Variants in PINLYP observed in about 807,000 individuals in gnomAD.
PINLYP encodes phospholipase A2 inhibitor and LY6/PLAUR domain containing.
A neutral mutation model predicts 15.8 loss-of-function variants in PINLYP; 12 were observed. That is an observed-to-expected ratio of 0.76 (90% CI 0.49 to 1.23). The LOEUF (loss-of-function observed/expected upper bound fraction) is 1.23, where lower values mean the gene tolerates loss of function less well. Among genes scored for constraint, PINLYP ranks in the 50% most tolerant of loss-of-function variants. The pLI, the probability that PINLYP is intolerant of heterozygous loss-of-function variation, is 0.00. For missense variants in PINLYP, 278 were observed against 264.2 expected (o/e 1.05, Z -0.36); for synonymous variants, 93 against 97.7 (o/e 0.95, Z 0.28).
chr19:43,581,510 G>T, intron 4 of PINLYP, 53 bp from the exon 5 acceptor site: 1 of 1,512,172 alleles, frequency 6.6e-7, no homozygotes, highest in Non-Finnish European at 8.8e-7. Context: ...TTGGGAGGTT[G>T]GGGGAACGGC....
chr19:43,581,938 T>C (rs1444919219), exon 6 of PINLYP: 1 of 1,536,336 alleles, frequency 6.5e-7, no homozygotes, highest in East Asian at 2.4e-5. Flanking sequence ...AGCCTGGTGC[T>C]GAAGTACCCA....
chr19:43,577,319 TTGAG>T (rs1438829305), intron 2 of PINLYP, 58 bp downstream of exon 2: 2 of 1,474,060 alleles, frequency 1.4e-6, no homozygotes, highest in East Asian at 5.0e-5. Flanking sequence ...AGGTCCCAGA[TTGAG>T]AGAGAGAGAG....
chr19:43,580,498 G>T, intron 3 of PINLYP: 4 of 983,912 alleles, frequency 4.1e-6, no homozygotes, highest in Non-Finnish European at 4.8e-6. Context: ...AAGAGACTAC[G>T]GGGTGGGCGG....
chr19:43,581,045 TG>T, intron 3 of PINLYP, 166 bp from the exon 4 acceptor site: 1 of 838,676 alleles, frequency 1.2e-6, no homozygotes, highest in Non-Finnish European at 1.8e-6. Context: ...CACTCCAGCC[TG>T]GGCAACTCCG....
At chr19:43,578,513 A>G in intron 2 of PINLYP, 77 bp from the exon 3 acceptor site, 1 of 1,084,020 alleles carries the variant, frequency 9.2e-7, no homozygotes, top group Non-Finnish European at 1.3e-6. Flanking sequence ...CTCAGGACAC[A>G]AAAGTCCTAA....
exon 3 of PINLYP, chr19:43,578,677 G>A (rs1312529501): frequency 2.0e-6 from 3 of 1,535,888 alleles, no homozygotes; most frequent in South Asian, 2.4e-5. Context: ...AAGGACACAT[G>A]TGTGCTCCTG....
exon 4 of PINLYP, chr19:43,581,274 G>T: frequency 6.5e-7 from 1 of 1,537,138 alleles, no homozygotes; most frequent in Non-Finnish European, 8.7e-7. Context: ...CTACTCCGGC[G>T]TTATATCCAC....
chr19:43,577,974 T>C (rs1972886099), intron 2 of PINLYP, among the ~76,000 whole-genome samples: 1 of 152,250 alleles, frequency 6.6e-6, no homozygotes, highest in African/African-American at 2.4e-5. Context: ...CCTTTCTCCT[T>C]AGACTAAGAA....
rs79589091 is a variant in PINLYP at position 43,578,747 on chromosome 19, G to T, written c.187+41G>T. 1,293 of 1,446,828 alleles carry T rather than the reference G, an allele frequency of 8.9e-4. 5 individuals are homozygous for T. The African/African-American group carries it at 0.011, about 13-fold the overall frequency. The allele number at this position is 1,446,828 out of a possible 1,614,324, so 89.6% of individuals were successfully genotyped here. A position where few individuals can be genotyped will look rare whatever the true frequency, so the allele number is the denominator to read the frequency against. On this transcript the variant is annotated intron_variant, in intron 3 of 5. Transcript: ENST00000599207. ...CTGGGACCTGGTGGGGAGGTGGGGTGTACCTTCAGGGTGGAAGAGACTACC... is the reference window on the plus strand; with the variant it reads ...CTGGGACCTGGTGGGGAGGTGGGGTTTACCTTCAGGGTGGAAGAGACTACC...
exon 2 of PINLYP, chr19:43,577,147 G>T (rs747691930): frequency 1.2e-5 from 18 of 1,535,882 alleles, no homozygotes; most frequent in Non-Finnish European, 1.5e-5. Flanking sequence ...CCCCTCCTCA[G>T]CTTCCTATAA....
intron 2 of PINLYP, among the ~76,000 whole-genome samples, chr19:43,577,732 G>GTCTTTACTAA (rs199499434): frequency 0.028 from 4,324 of 151,904 alleles, 98 homozygotes; most frequent in African/African-American, 0.06. Context: ...GTGAAACCCC[G>GTCTTTACTAA]TCTTTACTAA....
chr19:43,581,427 T>G, intron 4 of PINLYP, 63 bp downstream of exon 4: 1 of 1,526,362 alleles, frequency 6.6e-7, no homozygotes, highest in South Asian at 1.2e-5. Flanking sequence ...TGTAGCCACT[T>G]GCTGGCTCTG....
rs1213237753 is a variant in PINLYP at position 43,578,588 on chromosome 19, A to C, written c.71-2A>C. The C allele has an allele frequency of 6.5e-7, 1 of 1,534,758 alleles. No homozygotes were observed. Among genetic ancestry groups the C allele is most frequent in the Non-Finnish European group, 8.7e-7 (1 of 1,145,852 alleles). On this transcript the variant is annotated splice_acceptor_variant, in intron 2 of 5. Coordinates refer to ENST00000599207, the Ensembl canonical transcript of PINLYP. LOFTEE classifies it high-confidence loss of function. The stretch of plus-strand genomic sequence containing the variant: ...CAGCCTCGCCCTCTGTCTACACTGC[A>C]GGGTGCCCACTACACTGCGAAATAT...
At chr19:43,577,317 G>A (rs946510519) in intron 2 of PINLYP, 56 bp downstream of exon 2, 2 of 1,499,348 alleles carry the variant, frequency 1.3e-6, no homozygotes, top group African/African-American at 1.4e-5. Context: ...AGAGGTCCCA[G>A]ATTGAGAGAG....
At chr19:43,576,919 G>A (rs963647124) in exon 1 of PINLYP, 64 of 488,976 alleles carry the variant, frequency 1.3e-4, no homozygotes, top group Non-Finnish European at 2.1e-4. Flanking sequence ...GCCGTGGGAA[G>A]GTGAGAAAAC....
exon 5 of PINLYP, chr19:43,581,589 G>A: frequency 6.5e-7 from 1 of 1,536,486 alleles, no homozygotes; most frequent in Non-Finnish European, 8.7e-7. Flanking sequence ...TACTGAGAAT[G>A]GCCTGATGTG....
rs1450144824 is a variant in PINLYP at position 43,577,098 on chromosome 19, G to C, written c.-77-17G>C. 1.3e-6 allele frequency: 2 copies of C among 1,534,552 alleles called. No homozygotes were observed. The highest frequency in any genetic ancestry group is 1.7e-6 in the Non-Finnish European group (2 of 1,146,394). Reference sequence around the variant, plus strand: ...AGGACTGCCCTGGGTTCTGACCTCAGCTATTTCTCCCCGTAGGGTGAATGT... The same window carrying C: ...AGGACTGCCCTGGGTTCTGACCTCACCTATTTCTCCCCGTAGGGTGAATGT... On this transcript the variant is annotated splice_polypyrimidine_tract_variant and intron_variant, in intron 1 of 5. Coordinates refer to ENST00000599207, the Ensembl canonical transcript of PINLYP.
rs189410609 is a variant in PINLYP at position 43,581,803 on chromosome 19, T to G, written c.482-65T>G. ...GGTTCCAGAGAAGTGGGTGAGGATGTGTTCTGGGATTATGAGGAAGAAGGG... is the reference window on the plus strand; with the variant it reads ...GGTTCCAGAGAAGTGGGTGAGGATGGGTTCTGGGATTATGAGGAAGAAGGG... On this transcript the variant is annotated intron_variant, in intron 5 of 5. Coordinates refer to ENST00000599207, the Ensembl canonical transcript of PINLYP. 7.2e-6 allele frequency: 11 copies of G among 1,533,458 alleles called. No homozygotes were observed. The African/African-American group carries it at 1.2e-4, about 17-fold the overall frequency. The allele number at this position is 1,533,458 out of a possible 1,614,324, so 95.0% of individuals were successfully genotyped here. A position where few individuals can be genotyped will look rare whatever the true frequency, so the allele number is the denominator to read the frequency against.
rs1972872194 is a variant in PINLYP at position 43,576,907 on chromosome 19, G to GCGCC, written c.-90_-89insCGCC. ...TTCAAGCAAACAAACAAACAACAAT[G>GCGCC]GGCCGTGGGAAGGTGAGAAAACAGG... On this transcript the variant is annotated 5_prime_UTR_variant, in exon 1 of 6. An upstream open reading frame in the 5' UTR loses its in-frame stop. Coordinates refer to ENST00000599207, the Ensembl canonical transcript of PINLYP. The GCGCC allele has an allele frequency of 3.2e-5, 14 of 431,734 alleles. 1 individual carries two copies. In the South Asian group the frequency reaches 5.6e-4, roughly 17 times the overall value. The allele number at this position is 431,734 out of a possible 1,614,324, so 26.7% of individuals were successfully genotyped here.
Sources: gnomAD v4.1 joint callset for allele counts (sites outside exome capture counted in the v4.1 genomes callset) on GRCh38, gnomAD v4.1.1 for gene constraint, MANE v1.5 for transcripts, NCBI Gene and HGNC (gene_info 2026-07-23, HGNC 2026-07-21) for gene names.